The following KCNQ5 variants were observed in gnomAD, a reference collection of about 807,000 sequenced individuals.
The protein encoded by KCNQ5 is potassium voltage-gated channel subfamily KQT member 5.
Under a neutral mutation model 98.2 loss-of-function variants are expected in KCNQ5, and 30 were observed. The ratio of observed to expected loss-of-function variants is 0.31; its 90% CI spans 0.23 to 0.41. The LOEUF (loss-of-function observed/expected upper bound fraction) is 0.41, where lower values mean the gene tolerates loss of function less well. Among genes scored for constraint, KCNQ5 ranks in the 10% least tolerant of loss-of-function variants. The probability of loss-of-function intolerance (pLI) is 1.00; values close to 1 mark genes in which losing one functional copy is unlikely to be tolerated. For synonymous variants in KCNQ5, 458 were observed against 449.4 expected, an observed-to-expected ratio of 1.02 and a Z score of -0.24; for missense variants, 835 against 1,182.5, an observed-to-expected ratio of 0.71 and a Z score of 4.31.
chr6:73,008,607 C>A (rs934058658), intron 2 of KCNQ5, among the ~76,000 whole-genome samples: 11 of 151,968 alleles, frequency 7.2e-5, no homozygotes, highest in African/African-American at 2.7e-4. Flanking sequence ...TAATAAAATA[C>A]ATGAAGCAAA....
intron 1 of KCNQ5, among the ~76,000 whole-genome samples, chr6:72,859,072 C>A (rs1413290706): frequency 6.6e-6 from 1 of 152,044 alleles, no homozygotes; most frequent in Non-Finnish European, 1.5e-5. Flanking sequence ...CAGATTAGAC[C>A]TGTTTATGCC....
At chr6:72,750,407 A>C (rs1197794309) in intron 1 of KCNQ5, among the ~76,000 whole-genome samples, 1 of 152,070 alleles carries the variant, frequency 6.6e-6, no homozygotes, top group African/African-American at 2.4e-5. Context: ...ATGCAGGACT[A>C]CTTAAAGTTT....
chr6:72,765,308 G>T (rs550489477), intron 1 of KCNQ5, among the ~76,000 whole-genome samples: 2 of 151,868 alleles, frequency 1.3e-5, no homozygotes, highest in Non-Finnish European at 2.9e-5. Context: ...TTCTGGTTGT[G>T]GGGGAACAGT....
At chr6:72,843,909 A>G (rs1008884163) in intron 1 of KCNQ5, among the ~76,000 whole-genome samples, 1 of 151,966 alleles carries the variant, frequency 6.6e-6, no homozygotes, top group Non-Finnish European at 1.5e-5. Flanking sequence ...GCTGGAAACC[A>G]TCATTCTCAG....
At chr6:73,026,297 C>T (rs900898263) in intron 2 of KCNQ5, among the ~76,000 whole-genome samples, 42 of 152,298 alleles carry the variant, frequency 2.8e-4, no homozygotes, top group African/African-American at 9.4e-4. Context: ...GTCAGCCATT[C>T]CCAGATATCC....
intron 2 of KCNQ5, among the ~76,000 whole-genome samples, chr6:73,015,611 G>A (rs1451528767): frequency 6.6e-6 from 1 of 152,038 alleles, no homozygotes; most frequent in African/African-American, 2.4e-5. Context: ...GACTTGACAG[G>A]CTACCCAGCA....
chr6:72,655,072 C>CTT (rs1766104326), intron 1 of KCNQ5, among the ~76,000 whole-genome samples: 1 of 148,440 alleles, frequency 6.7e-6, no homozygotes, highest in South Asian at 2.1e-4. Context: ...TTCTTTCTTT[C>CTT]TTTCTTTCTT....
At chr6:72,644,232 A>G (rs1350872133) in intron 1 of KCNQ5, among the ~76,000 whole-genome samples, 2 of 152,194 alleles carry the variant, frequency 1.3e-5, no homozygotes, top group Non-Finnish European at 2.9e-5. Context: ...CAATGGATCA[A>G]TACATAACCT....
chr6:72,783,356 T>A (rs1010824114), intron 1 of KCNQ5, among the ~76,000 whole-genome samples: 1 of 152,180 alleles, frequency 6.6e-6, no homozygotes, highest in Non-Finnish European at 1.5e-5. Context: ...TGCGTGTATA[T>A]ACATAACTCC....
intron 1 of KCNQ5, among the ~76,000 whole-genome samples, chr6:72,813,259 A>AG (rs1272262824): frequency 6.6e-6 from 1 of 152,176 alleles, no homozygotes; most frequent in Non-Finnish European, 1.5e-5. Flanking sequence ...TATTTCCAGA[A>AG]TTCTCCCAGA....
At chr6:72,770,982 GGA>G (rs1015462607) in intron 1 of KCNQ5, among the ~76,000 whole-genome samples, 5 of 151,982 alleles carry the variant, frequency 3.3e-5, no homozygotes, top group Admixed American at 6.6e-5. Flanking sequence ...AGCCCTCAAG[GGA>G]CCCTCGATCT....
intron 1 of KCNQ5, among the ~76,000 whole-genome samples, chr6:72,631,219 A>G (rs1276677458): frequency 6.6e-6 from 1 of 152,196 alleles, no homozygotes; most frequent in African/African-American, 2.4e-5. Flanking sequence ...TAGCTTTGGA[A>G]ATGCTGAGCT....
chr6:73,183,014 G>T (rs1019296251), intron 11 of KCNQ5, among the ~76,000 whole-genome samples: 1 of 152,164 alleles, frequency 6.6e-6, no homozygotes, highest in East Asian at 1.9e-4. Flanking sequence ...AGGTGGCCAG[G>T]TTGAAAGGCA....
At chr6:72,880,184 C>A (rs1052082951) in intron 1 of KCNQ5, among the ~76,000 whole-genome samples, 5 of 152,130 alleles carry the variant, frequency 3.3e-5, no homozygotes, top group African/African-American at 9.7e-5. Context: ...GTGTCTTCAT[C>A]TTTTCAAGGG....
At chr6:72,644,751 C>T (rs1370879363) in intron 1 of KCNQ5, among the ~76,000 whole-genome samples, 1 of 152,068 alleles carries the variant, frequency 6.6e-6, no homozygotes. Flanking sequence ...TTACTGTGTG[C>T]ATCCCGTAGT....
At chr6:73,075,348 A>G (rs770808118) in intron 3 of KCNQ5, among the ~76,000 whole-genome samples, 1 of 151,360 alleles carries the variant, frequency 6.6e-6, no homozygotes, top group Non-Finnish European at 1.5e-5. Context: ...TCAGCCTTCC[A>G]AGTAGCTGGG....
At chr6:72,949,571 C>A (rs1766704745) in intron 1 of KCNQ5, among the ~76,000 whole-genome samples, 1 of 152,088 alleles carries the variant, frequency 6.6e-6, no homozygotes, top group Admixed American at 6.6e-5. Context: ...AAATTTTTAA[C>A]TACGTGAGTA....
chr6:73,009,697 G>C (rs1354879100), intron 2 of KCNQ5, among the ~76,000 whole-genome samples: 1 of 152,120 alleles, frequency 6.6e-6, no homozygotes, highest in Non-Finnish European at 1.5e-5. Flanking sequence ...TGGGAATATT[G>C]CTACTGATTC....
rs373221912 is a variant in KCNQ5, at chr6:72,677,366, C to G, written c.398+54779C>G. 3.3e-5 allele frequency among the ~76,000 whole-genome samples: 5 copies of G among 152,256 alleles called. No individual in the cohort carries two copies. In the East Asian group the frequency reaches 9.6e-4, roughly 29 times the overall value. ...TTTGGGAACCTCAGAAATGGGAGTA[C>G]TTATATTAGAATGACATAAAATAAC... On this transcript the variant is annotated intron_variant, in intron 1 of 13. Transcript: ENST00000370398.
Sources: allele counts gnomAD v4.1 joint callset (sites outside exome capture counted in the v4.1 genomes callset), GRCh38; gene constraint gnomAD v4.1.1; transcripts MANE v1.5; gene names NCBI Gene and HGNC (gene_info 2026-07-23, HGNC 2026-07-21).